The following COBL variants were observed in gnomAD, a reference collection of about 807,000 sequenced individuals.
COBL encodes cordon-bleu WH2 repeat protein.
Under a neutral mutation model 98.8 loss-of-function variants are expected in COBL, and 51 were observed. That is an observed-to-expected ratio of 0.52 (90% CI 0.41 to 0.65). The LOEUF (loss-of-function observed/expected upper bound fraction) is 0.65, where lower values mean the gene tolerates loss of function less well. COBL is among the 30% of genes least tolerant of loss of function. COBL has a pLI of 0.00. For synonymous variants in COBL, 634 were observed against 651.7 expected (o/e 0.97, Z 0.41); for missense variants, 1,617 against 1,617.5 (o/e 1.00, Z 0.01).
chr7:51,156,106 T>A, intron 5 of COBL: 1 of 960,242 alleles, frequency 1.0e-6, no homozygotes, highest in Non-Finnish European at 1.2e-6. Flanking sequence ...AGAAATTCAT[T>A]GTGCTAAAAG....
chr7:51,302,702 G>A (rs903950324), intron 1 of COBL, among the ~76,000 whole-genome samples: 2 of 152,130 alleles, frequency 1.3e-5, no homozygotes, highest in Middle Eastern at 6.8e-3. Flanking sequence ...GTTCAAGACT[G>A]GCCTGGTCAA....
At chr7:51,093,964 T>C (rs993975988) in intron 6 of COBL, among the ~76,000 whole-genome samples, 6 of 150,806 alleles carry the variant, frequency 4.0e-5, no homozygotes, top group African/African-American at 1.5e-4. Context: ...GATACTTGGA[T>C]AAATTGTTTT....
chr7:51,028,890 G>A lies in COBL; in HGVS notation c.2206C>T (p.Leu736=). 2 of 1,614,196 alleles carry A rather than the reference G, an allele frequency of 1.2e-6. No homozygotes were observed. Among genetic ancestry groups the A allele is most frequent in the Non-Finnish European group, 1.7e-6 (2 of 1,180,036 alleles). The change falls in exon 10 of 13, where the codon CTG becomes TTG. Residue 736 remains leucine, a synonymous_variant. Transcript: ENST00000265136. The stretch of plus-strand genomic sequence containing the variant: ...GCGTGAGGACTCACCAAGTTCCCCA[G>A]CTCGTCAATCTTAATGGCTCCGGTG... The part of the protein sequence containing the change: ...LSTGAIKIDE[L]GNLVSPHATG...
chr7:51,223,273 G>A (rs1793835514), intron 1 of COBL, among the ~76,000 whole-genome samples: 1 of 152,242 alleles, frequency 6.6e-6, no homozygotes, highest in Admixed American at 6.5e-5. Flanking sequence ...GTGTGTGCCT[G>A]CGTGTGCACG....
At chr7:51,073,678 T>C (rs1792786131) in intron 7 of COBL, among the ~76,000 whole-genome samples, 1 of 152,148 alleles carries the variant, frequency 6.6e-6, no homozygotes. Context: ...ATTATTTGGA[T>C]TTGGTATGAA....
chr7:51,104,067 T>C (rs1796042944), intron 6 of COBL, among the ~76,000 whole-genome samples: 1 of 152,262 alleles, frequency 6.6e-6, no homozygotes, highest in Non-Finnish European at 1.5e-5. Context: ...AGTTTTGTGA[T>C]TCATTCTAGA....
At chr7:51,272,409 A>G (rs1042223852) in intron 1 of COBL, among the ~76,000 whole-genome samples, 8 of 152,216 alleles carry the variant, frequency 5.3e-5, no homozygotes, top group African/African-American at 1.9e-4. Flanking sequence ...GGCAATCCTC[A>G]TCAACTACTC....
chr7:51,121,799 A>T (rs1041499240), intron 6 of COBL, among the ~76,000 whole-genome samples: 1 of 152,240 alleles, frequency 6.6e-6, no homozygotes, highest in Non-Finnish European at 1.5e-5. Flanking sequence ...GCTGGACAGA[A>T]TCATGAATAT....
intron 1 of COBL, among the ~76,000 whole-genome samples, chr7:51,276,424 G>T (rs1245236346): frequency 6.6e-6 from 1 of 152,214 alleles, no homozygotes; most frequent in Non-Finnish European, 1.5e-5. Flanking sequence ...TCCGGCCGGG[G>T]ACGGGCCATA....
intron 2 of COBL, among the ~76,000 whole-genome samples, chr7:51,217,340 C>CTTT (rs937958755): frequency 7.8e-5 from 10 of 127,716 alleles, no homozygotes; most frequent in Non-Finnish European, 1.3e-4. Context: ...TTTTCTTTTT[C>CTTT]TTTTTTTTTT....
At chr7:51,223,062 C>A (rs1459862040) in intron 1 of COBL, among the ~76,000 whole-genome samples, 1 of 152,222 alleles carries the variant, frequency 6.6e-6, no homozygotes, top group Non-Finnish European at 1.5e-5. Context: ...TGTACTCCAC[C>A]CTTCCCTCCA....
At chr7:51,158,301 G>A (rs890200178) in intron 5 of COBL, among the ~76,000 whole-genome samples, 1 of 152,148 alleles carries the variant, frequency 6.6e-6, no homozygotes, top group African/African-American at 2.4e-5. Context: ...AAAAGGAGAA[G>A]AGACCCTCAA....
chr7:51,124,791 T>G (rs1798051221), intron 6 of COBL, among the ~76,000 whole-genome samples: 2 of 151,888 alleles, frequency 1.3e-5, no homozygotes, highest in African/African-American at 2.4e-5. Context: ...GATCTGAATT[T>G]GTTTCCAATT....
chr7:51,076,720 G>C (rs939466529), intron 7 of COBL, among the ~76,000 whole-genome samples: 1 of 152,108 alleles, frequency 6.6e-6, no homozygotes, highest in Non-Finnish European at 1.5e-5. Context: ...GGGGGGGGTT[G>C]CTTAGAACAG....
At chr7:51,049,115 T>C (rs1408950979) in intron 7 of COBL, among the ~76,000 whole-genome samples, 4 of 152,260 alleles carry the variant, frequency 2.6e-5, no homozygotes, top group Non-Finnish European at 4.4e-5. Flanking sequence ...TAATGATCTA[T>C]AATCTGACAA....
chr7:51,314,486 C>T (rs1803345391), intron 1 of COBL, among the ~76,000 whole-genome samples: 1 of 152,206 alleles, frequency 6.6e-6, no homozygotes, highest in African/African-American at 2.4e-5. Flanking sequence ...AATTTCACAG[C>T]AATATCTAAC....
At chr7:51,170,556 AT>A (rs1484951936) in intron 5 of COBL, among the ~76,000 whole-genome samples, 1 of 147,880 alleles carries the variant, frequency 6.8e-6, no homozygotes, top group African/African-American at 2.5e-5. Context: ...ACATATATAT[AT>A]GTCACATATG....
intron 7 of COBL, among the ~76,000 whole-genome samples, chr7:51,069,263 T>A (rs183164203): frequency 5.9e-4 from 90 of 152,294 alleles, no homozygotes; most frequent in Non-Finnish European, 1.1e-3. Context: ...ACAAATATGC[T>A]TACTTCCACC....
chr7:51,201,253 AAAAG>A (rs1288033746), intron 2 of COBL, among the ~76,000 whole-genome samples: 11 of 145,796 alleles, frequency 7.5e-5, no homozygotes, highest in Non-Finnish European at 1.2e-4. Flanking sequence ...AAAAAAAAAA[AAAAG>A]AAAGAAAGAA....
Sources: gnomAD v4.1 joint callset for allele counts (sites outside exome capture counted in the v4.1 genomes callset) on GRCh38, gnomAD v4.1.1 for gene constraint, MANE v1.5 for transcripts, NCBI Gene and HGNC (gene_info 2026-07-23, HGNC 2026-07-21) for gene names.